The following TEX9 variants were observed in gnomAD, a reference collection of about 807,000 sequenced individuals.
The protein encoded by TEX9 is testis expressed 9, also known as testis-expressed protein 9.
TEX9 carries 74 observed loss-of-function variants against 59.6 expected under a neutral mutation model. The observed-to-expected ratio is 1.24, with a 90% CI of 1.03 to 1.51. The LOEUF is 1.51. TEX9 is among the 40% of genes most tolerant of loss of function. The probability of loss-of-function intolerance (pLI) is 0.00; values close to 1 mark genes in which losing one functional copy is unlikely to be tolerated. For synonymous variants in TEX9, 186 were observed against 152.2 expected (o/e 1.22, Z -1.64); for missense variants, 522 against 447.8 (o/e 1.17, Z -1.49).
At chr15:56,449,232 T>G (rs2050931396), downstream of TEX9, among the ~76,000 whole-genome samples, 1 of 152,162 alleles carries the variant, frequency 6.6e-6, no homozygotes, top group South Asian at 2.1e-4. Flanking sequence ...ATCCCTGTCT[T>G]CTTCTCAGTG....
At chr15:56,456,602 AAACTAAATGCCTT>A in the TEX9 span, 1 of 1,437,900 alleles carries the variant, frequency 7.0e-7, no homozygotes, top group Admixed American at 2.2e-5. Context: ...TTATAACAGA[AAACTAAATGCCTT>A]AAGGCCAACA....
At chr15:56,276,144 A>G (rs2044661751) in intron 1 of TEX9, among the ~76,000 whole-genome samples, 2 of 151,480 alleles carry the variant, frequency 1.3e-5, no homozygotes, top group Admixed American at 1.3e-4. Flanking sequence ...GACTTCTCTA[A>G]ACTTTTTTTT....
At chr15:56,267,335 G>C (rs1485110018) in intron 1 of TEX9, among the ~76,000 whole-genome samples, 1 of 152,262 alleles carries the variant, frequency 6.6e-6, no homozygotes, top group African/African-American at 2.4e-5. Flanking sequence ...AGTTTAATTA[G>C]ATCCCATTTG....
intron 12 of TEX9, chr15:56,443,318 A>C: frequency 1.3e-6 from 1 of 747,686 alleles, no homozygotes; most frequent in Non-Finnish European, 2.0e-6. Context: ...TACCATTTAC[A>C]TATAATGTAA....
At chr15:56,300,458 C>T (rs2045318156) in intron 1 of TEX9, among the ~76,000 whole-genome samples, 1 of 152,038 alleles carries the variant, frequency 6.6e-6, no homozygotes, top group Non-Finnish European at 1.5e-5. Context: ...TTGAAGTTCC[C>T]ATGCATGGCT....
chr15:56,397,480 TAA>T (rs1165115195), intron 9 of TEX9: 6 of 152,262 alleles, frequency 3.9e-5, no homozygotes, highest in African/African-American at 1.2e-4. Context: ...GAAATTTGCA[TAA>T]GTCTTGAGGA....
chr15:56,460,009 A>AAAAAAAAAAAT, the TEX9 span, among the ~76,000 whole-genome samples: 236 of 26,366 alleles, frequency 9.0e-3, 55 homozygotes, highest in Non-Finnish European at 0.012. Flanking sequence ...AAAAAAAAAA[A>AAAAAAAAAAAT]ATACATATAT....
At chr15:56,287,385 A>T (rs867976930) in intron 1 of TEX9, among the ~76,000 whole-genome samples, 7 of 152,080 alleles carry the variant, frequency 4.6e-5, no homozygotes, top group East Asian at 1.9e-4. Context: ...TAACTTTTTT[A>T]AAAAAATTAT....
At chr15:56,430,744 A>G (rs1303642317) in intron 12 of TEX9, among the ~76,000 whole-genome samples, 1 of 152,190 alleles carries the variant, frequency 6.6e-6, no homozygotes, top group Non-Finnish European at 1.5e-5. Flanking sequence ...GCTCAGTTCA[A>G]CCATGTGCCT....
At chr15:56,319,955 C>A (rs2718921) in intron 1 of TEX9, among the ~76,000 whole-genome samples, 70,493 of 151,930 alleles carry the variant, frequency 0.46, 18,865 homozygotes, top group Non-Finnish European at 0.6. Flanking sequence ...CCAGGATCAC[C>A]TATTTAAGGA....
chr15:56,382,363 G>A (rs570451981), intron 3 of TEX9, among the ~76,000 whole-genome samples: 6 of 152,274 alleles, frequency 3.9e-5, no homozygotes, highest in African/African-American at 1.4e-4. Flanking sequence ...TGCTGTGGCT[G>A]TGCTAGTTCT....
chr15:56,350,325 C>T (rs1390740858), intron 1 of TEX9, among the ~76,000 whole-genome samples: 1 of 152,186 alleles, frequency 6.6e-6, no homozygotes, highest in Admixed American at 6.5e-5. Flanking sequence ...GCACATGTCC[C>T]ACATAACCTT....
At chr15:56,282,836 A>C (rs1398638788) in intron 1 of TEX9, among the ~76,000 whole-genome samples, 2 of 152,148 alleles carry the variant, frequency 1.3e-5, no homozygotes, top group African/African-American at 4.8e-5. Flanking sequence ...TAATTTGTAT[A>C]AGAGTTGATA....
At chr15:56,323,929 T>C (rs1288965300) in intron 1 of TEX9, among the ~76,000 whole-genome samples, 3 of 152,162 alleles carry the variant, frequency 2.0e-5, no homozygotes, top group Admixed American at 6.5e-5. Context: ...TTTTAAACTG[T>C]CCAGTGTCCT....
intron 12 of TEX9, among the ~76,000 whole-genome samples, chr15:56,437,672 A>G (rs1419362577): frequency 2.0e-5 from 3 of 152,318 alleles, no homozygotes; most frequent in South Asian, 4.1e-4. Context: ...GAGGAAGTCA[A>G]ATTGTCCTTG....
At chr15:56,272,326 A>G (rs1180572316) in intron 1 of TEX9, among the ~76,000 whole-genome samples, 3 of 152,074 alleles carry the variant, frequency 2.0e-5, no homozygotes, top group African/African-American at 7.2e-5. Flanking sequence ...TTATTTCTCT[A>G]TGGATTTTCA....
At chr15:56,266,961 ATTT>A (rs1460853486) in intron 1 of TEX9, among the ~76,000 whole-genome samples, 1 of 152,048 alleles carries the variant, frequency 6.6e-6, no homozygotes, top group East Asian at 1.9e-4. Flanking sequence ...AAGTGTCCCT[ATTT>A]CTCCACATCC....
chr15:56,378,183 C>CT (rs565939422), intron 3 of TEX9, among the ~76,000 whole-genome samples: 1 of 151,932 alleles, frequency 6.6e-6, no homozygotes, highest in African/African-American at 2.4e-5. Context: ...ATGTAGTTTT[C>CT]TTTTTTTGAT....
chr15:56,348,373 A>T (rs2046512973), intron 1 of TEX9, among the ~76,000 whole-genome samples: 1 of 152,070 alleles, frequency 6.6e-6, no homozygotes, highest in African/African-American at 2.4e-5. Context: ...ACCCAGAGAG[A>T]AACAGTTGAT....
Sources: allele counts gnomAD v4.1 joint callset (sites outside exome capture counted in the v4.1 genomes callset), GRCh38; gene constraint gnomAD v4.1.1; transcripts MANE v1.5; gene names NCBI Gene and HGNC (gene_info 2026-07-23, HGNC 2026-07-21).